The following ATP13A4 variants were observed in gnomAD, a reference collection of about 807,000 sequenced individuals.
ATP13A4 encodes the protein probable cation-transporting ATPase 13A4.
ATP13A4 carries 114 observed loss-of-function variants against 142.5 expected under a neutral mutation model. That is an observed-to-expected ratio of 0.80 (90% CI 0.69 to 0.93). The LOEUF (loss-of-function observed/expected upper bound fraction) is 0.93, where lower values mean the gene tolerates loss of function less well. Ranked by LOEUF, ATP13A4 falls within the 40% of genes least tolerant of loss-of-function variation. The pLI, the probability that ATP13A4 is intolerant of heterozygous loss-of-function variation, is 0.00. For synonymous variants in ATP13A4, 488 were observed against 514.8 expected (o/e 0.95, Z 0.70); for missense variants, 1,392 against 1,454.0 (o/e 0.96, Z 0.69).
chr3:193,413,635 G>A lies in ATP13A4; in HGVS notation c.3014+944C>T, dbSNP rs576072768. 6.6e-4 allele frequency among the ~76,000 whole-genome samples: 101 copies of A among 152,246 alleles called. 1 individual carries two copies. Among genetic ancestry groups the A allele is most frequent in the African/African-American group, 2.3e-3 (97 of 41,548 alleles). ...GTCAATAAATGGCCGCTCTGGGAGT[G>A]TCTGTCTTATGTGGTTGAGATAAGG... is the stretch of plus-strand genomic sequence containing the variant. On this transcript the variant is annotated intron_variant, in intron 26 of 29. Transcript: ENST00000342695.
chr3:193,438,408 C>G, intron 23 of ATP13A4, 67 bp downstream of exon 23: 1 of 1,327,862 alleles, frequency 7.5e-7, no homozygotes. Context: ...CTTTCCCAGG[C>G]AGAACAATGT....
At chr3:193,491,234 G>C in intron 6 of ATP13A4, 95 bp downstream of exon 6, 1 of 908,920 alleles carries the variant, frequency 1.1e-6, no homozygotes, top group Non-Finnish European at 1.8e-6. Context: ...TCTATGTGAA[G>C]TTACTTATTA....
chr3:193,552,856 G>A (rs767781217), intron 1 of ATP13A4, among the ~76,000 whole-genome samples: 1 of 152,214 alleles, frequency 6.6e-6, no homozygotes, highest in South Asian at 2.1e-4. Context: ...ACCTCATAGG[G>A]TTGTGAGGAA....
intron 8 of ATP13A4, 25 bp from the exon 9 acceptor site, chr3:193,471,018 G>A (rs751956973): frequency 6.2e-7 from 1 of 1,614,034 alleles, no homozygotes; most frequent in Non-Finnish European, 8.5e-7. Flanking sequence ...AGACAGAGTT[G>A]AGTCAGGTTA....
chr3:193,466,263 T>C (rs1718280969), intron 10 of ATP13A4, 81 bp from the exon 11 acceptor site: 3 of 1,530,182 alleles, frequency 2.0e-6, no homozygotes, highest in African/African-American at 2.7e-5. Context: ...ACTGCCTTTG[T>C]TTTTCTCTGC....
chr3:193,462,936 G>A, intron 12 of ATP13A4, 113 bp from the exon 13 acceptor site: 1 of 1,061,018 alleles, frequency 9.4e-7, no homozygotes, highest in Non-Finnish European at 1.4e-6. Flanking sequence ...CTTGAACTCA[G>A]GAGTTTAAGA....
At chr3:193,568,516 G>T (rs1724190638) in intron 2 of ATP13A4, among the ~76,000 whole-genome samples, 1 of 152,198 alleles carries the variant, frequency 6.6e-6, no homozygotes. Context: ...CATGTGCGAG[G>T]CTGTGAAGGT....
intron 1 of ATP13A4, among the ~76,000 whole-genome samples, chr3:193,536,262 C>T (rs191167850): frequency 5.3e-5 from 8 of 152,002 alleles, no homozygotes; most frequent in Middle Eastern, 6.8e-3. Flanking sequence ...AATATAATTC[C>T]GCAACATATT....
upstream of ATP13A4, among the ~76,000 whole-genome samples, chr3:193,558,883 C>A (rs281811): frequency 1.3e-5 from 2 of 151,934 alleles, no homozygotes; most frequent in African/African-American, 4.8e-5. Flanking sequence ...AGAATGGGAA[C>A]GGAAAATAAA....
At chr3:193,406,516 G>A (rs1446316733) in intron 29 of ATP13A4, among the ~76,000 whole-genome samples, 1 of 152,168 alleles carries the variant, frequency 6.6e-6, no homozygotes, top group Non-Finnish European at 1.5e-5. Context: ...TTTGAAGAAT[G>A]GATATTGTGT....
chr3:193,553,263 G>T (rs1723689730), intron 1 of ATP13A4: 1 of 152,216 alleles, frequency 6.6e-6, no homozygotes, highest in Non-Finnish European at 1.5e-5. Flanking sequence ...AATTGCTTTG[G>T]TGGAATATGT....
chr3:193,558,539 C>T (rs900527674), upstream of ATP13A4, among the ~76,000 whole-genome samples: 2 of 152,076 alleles, frequency 1.3e-5, no homozygotes, highest in African/African-American at 4.8e-5. Context: ...GAAACAAGAC[C>T]AACACCAAAA....
intron 2 of ATP13A4, among the ~76,000 whole-genome samples, chr3:193,505,942 A>T (rs1397712743): frequency 6.6e-6 from 1 of 152,202 alleles, no homozygotes; most frequent in Non-Finnish European, 1.5e-5. Context: ...AATGGAAGTA[A>T]TACCAAATTT....
chr3:193,435,598 G>T, intron 24 of ATP13A4, 50 bp downstream of exon 24: 2 of 1,422,588 alleles, frequency 1.4e-6, no homozygotes, highest in Non-Finnish European at 2.0e-6. Flanking sequence ...AGAGTGCACC[G>T]CTACTTGTTT....
intron 17 of ATP13A4, among the ~76,000 whole-genome samples, chr3:193,453,823 G>A (rs1322799256): frequency 6.6e-6 from 1 of 152,106 alleles, no homozygotes; most frequent in African/African-American, 2.4e-5. Context: ...TCACAAAGCT[G>A]TAAAAATCAC....
chr3:193,523,541 C>T (rs1352805743), intron 1 of ATP13A4, among the ~76,000 whole-genome samples: 2 of 152,128 alleles, frequency 1.3e-5, no homozygotes, highest in African/African-American at 2.4e-5. Flanking sequence ...CATAAAAACC[C>T]CTAAATGATG....
chr3:193,448,569 C>T (rs1018831737), intron 17 of ATP13A4, among the ~76,000 whole-genome samples: 7 of 152,184 alleles, frequency 4.6e-5, no homozygotes, highest in African/African-American at 1.7e-4. Context: ...CTCCTGAATT[C>T]AAGTGATTCA....
intron 2 of ATP13A4, among the ~76,000 whole-genome samples, chr3:193,571,970 T>G (rs536306886): frequency 3.3e-5 from 5 of 152,162 alleles, no homozygotes; most frequent in Admixed American, 6.5e-5. Flanking sequence ...TTGTAATAAA[T>G]GCACCATACT....
At chr3:193,581,983 T>C (rs918514124) in intron 1 of ATP13A4, 1 of 151,940 alleles carries the variant, frequency 6.6e-6, no homozygotes, top group African/African-American at 2.4e-5. Context: ...TCAGTGTGAA[T>C]GCTGACAATG....
Sources: allele counts gnomAD v4.1 joint callset (sites outside exome capture counted in the v4.1 genomes callset), GRCh38; gene constraint gnomAD v4.1.1; transcripts MANE v1.5; gene names NCBI Gene and HGNC (gene_info 2026-07-23, HGNC 2026-07-21).